The following CMC2 variants were observed in gnomAD, a reference collection of about 807,000 sequenced individuals.
CMC2 encodes COX assembly mitochondrial protein 2 homolog.
CMC2 carries 5 observed loss-of-function variants against 7.5 expected under a neutral mutation model. The observed-to-expected ratio is 0.66, with a 90% CI of 0.35 to 1.40. The LOEUF (loss-of-function observed/expected upper bound fraction) is 1.40, where lower values mean the gene tolerates loss of function less well. CMC2 is among the 40% of genes most tolerant of loss of function. The pLI, the probability that CMC2 is intolerant of heterozygous loss-of-function variation, is 0.04. For synonymous variants in CMC2, 37 were observed against 31.4 expected, an observed-to-expected ratio of 1.18 and a Z score of -0.60; for missense variants, 115 against 92.3, an observed-to-expected ratio of 1.25 and a Z score of -1.01.
intron 1 of CMC2, among the ~76,000 whole-genome samples, chr16:81,005,975 G>A (rs936707323): frequency 6.6e-6 from 1 of 152,158 alleles, no homozygotes; most frequent in Non-Finnish European, 1.5e-5. Flanking sequence ...GGATGAAAAA[G>A]AAACTCATTT....
chr16:81,002,638 T>A (rs1368341661), intron 1 of CMC2, among the ~76,000 whole-genome samples: 1 of 152,176 alleles, frequency 6.6e-6, no homozygotes, highest in Non-Finnish European at 1.5e-5. Flanking sequence ...ACAATATTAA[T>A]AGATGCAAAG....
chr16:80,966,652 G>A lies in CMC2; in HGVS notation c.*9441C>T, dbSNP rs1205815083. Reference sequence around the variant, plus strand: ...TTGCAGTTCTCCTTATCTTCAGGATGTATCACCTTCTGGAGATGTAAAGTC... The same window carrying A: ...TTGCAGTTCTCCTTATCTTCAGGATATATCACCTTCTGGAGATGTAAAGTC... On this transcript the variant is annotated 3_prime_UTR_variant, in exon 4 of 4. Transcript: ENST00000219400. 2.0e-5 allele frequency: 3 copies of A among 152,136 alleles called. No individual in the cohort carries two copies. Among genetic ancestry groups the A allele is most frequent in the Non-Finnish European group, 2.9e-5 (2 of 68,028 alleles). The allele number at this position is 152,136 out of a possible 1,614,324, so 9.4% of individuals were successfully genotyped here.
rs1305160282 is a variant in CMC2, at chr16:80,991,759, T to C, written c.81+5555A>G. ...TTGATGAAAATGTACTTTACCTCTG[T>C]GGTCTTCATCCGAAAACACATGATC... On this transcript the variant is annotated intron_variant, in intron 2 of 3. Transcript: ENST00000219400. 2.4e-5 allele frequency: 8 copies of C among 337,262 alleles called. 1 individual carries two copies. Among genetic ancestry groups the C allele is most frequent in the South Asian group, 7.1e-5 (3 of 42,272 alleles). 20.9% of individuals were successfully genotyped at this position (337,262 alleles called of 1,614,324 possible). A position where few individuals can be genotyped will look rare whatever the true frequency, so the allele number is the denominator to read the frequency against.
At chr16:80,998,352 C>G (rs56280764) in intron 1 of CMC2, 1 of 90,468 alleles carries the variant, frequency 1.1e-5, no homozygotes, top group Admixed American at 1.2e-4. Flanking sequence ...AGGATGGCTA[C>G]TGCTGAAAAA....
chr16:80,997,886 T>A (rs1968553060), intron 1 of CMC2: 1 of 152,134 alleles, frequency 6.6e-6, no homozygotes, highest in African/African-American at 2.4e-5. Flanking sequence ...GAATATAGAT[T>A]GCTTTTTTCT....
At chr16:80,990,323 A>C (rs1011487463) in intron 2 of CMC2, among the ~76,000 whole-genome samples, 17 of 152,200 alleles carry the variant, frequency 1.1e-4, no homozygotes, top group Admixed American at 1.1e-3. Flanking sequence ...GGGGTCCGCC[A>C]CCACGCACAG....
At chr16:80,999,148 T>C (rs1968656517) in intron 1 of CMC2, among the ~76,000 whole-genome samples, 1 of 152,104 alleles carries the variant, frequency 6.6e-6, no homozygotes, top group Non-Finnish European at 1.5e-5. Context: ...AGTCAAACTG[T>C]CTCTCTTCAC....
rs773178837 is a variant in CMC2 at position 81,004,686 on chromosome 16, G to C, written c.-36+2048C>G. Among the ~76,000 whole-genome samples the C allele has an allele frequency of 4.5e-4, 68 of 152,232 alleles. 1 individual carries two copies. Among genetic ancestry groups the C allele is most frequent in the Non-Finnish European group, 8.5e-4 (58 of 68,030 alleles). ...ACTTTTCCTGGGGAGTAAGCTGGGA[G>C]GGTAGAAGCGGTAGGGTACTCTTAG... On this transcript the variant is annotated intron_variant, in intron 1 of 3. Coordinates refer to ENST00000219400, the MANE Select transcript of CMC2 (RefSeq NM_020188.5).
chr16:80,993,175 T>C (rs766864803), intron 2 of CMC2, among the ~76,000 whole-genome samples: 37 of 152,244 alleles, frequency 2.4e-4, no homozygotes, highest in Non-Finnish European at 4.4e-4. Flanking sequence ...AGACTTCTGC[T>C]TCTAGCCATG....
At position 80,973,617 on chromosome 16, in the gene CMC2, T is replaced by A. The variant is rs919010773; in HGVS notation, c.*2476A>T. The A allele has an allele frequency of 6.6e-6, 1 of 152,218 alleles. No homozygotes were observed. The highest frequency in any genetic ancestry group is 1.5e-5 in the Non-Finnish European group (1 of 68,048). The allele number at this position is 152,218 out of a possible 1,614,324, so 9.4% of individuals were successfully genotyped here. ...GTTTTCCATTATGCTCCAAATAACA[T>A]GCAAGTTCCCTGAGGTGATGTCCAA... On this transcript the variant is annotated 3_prime_UTR_variant, in exon 4 of 4. Coordinates refer to ENST00000219400, the MANE Select transcript of CMC2 (RefSeq NM_020188.5).
At chr16:80,978,190 T>C in intron 3 of CMC2, 1 of 790,156 alleles carries the variant, frequency 1.3e-6, no homozygotes, top group Non-Finnish European at 1.5e-6. Context: ...CAATAAAACG[T>C]ATTCTAGAAC....
intron 2 of CMC2, among the ~76,000 whole-genome samples, chr16:80,993,569 G>T (rs563133065): frequency 4.5e-4 from 68 of 152,322 alleles, no homozygotes; most frequent in African/African-American, 1.6e-3. Flanking sequence ...GCAGCTACAA[G>T]CTGAAAAACG....
chr16:80,977,037 C>T (rs574074475), intron 3 of CMC2, among the ~76,000 whole-genome samples: 1 of 152,206 alleles, frequency 6.6e-6, no homozygotes, highest in East Asian at 1.9e-4. Context: ...CATCTTAGAC[C>T]AGCTCACATT....
chr16:80,985,641 G>C (rs1468809969), intron 2 of CMC2, among the ~76,000 whole-genome samples: 1 of 151,936 alleles, frequency 6.6e-6, no homozygotes. Flanking sequence ...GAGTGCAAAA[G>C]AGTCCTGAGA....
rs1293238100 is a variant in CMC2, at chr16:80,971,221, T to C, written c.*4872A>G. 2 of 152,180 alleles carry C rather than the reference T, an allele frequency of 1.3e-5. No individual in the cohort carries two copies. The highest frequency in any genetic ancestry group is 2.4e-5 in the African/African-American group (1 of 41,442). 9.4% of individuals were successfully genotyped at this position (152,180 alleles called of 1,614,324 possible). Reference sequence around the variant, plus strand: ...AACTTCTAGTAAGTTTGAAAATGCATACCTTACAGCCCAATAATTAAAATC... The same window carrying C: ...AACTTCTAGTAAGTTTGAAAATGCACACCTTACAGCCCAATAATTAAAATC... On this transcript the variant is annotated 3_prime_UTR_variant, in exon 4 of 4. Coordinates refer to ENST00000219400, the MANE Select transcript of CMC2 (RefSeq NM_020188.5).
intron 2 of CMC2, among the ~76,000 whole-genome samples, chr16:80,992,718 T>TC (rs374973655): frequency 7.4e-6 from 1 of 135,898 alleles, no homozygotes. Context: ...TTTTTTTTTT[T>TC]TTTTGTGTAA....
At chr16:80,991,041 T>A (rs1005709607) in intron 2 of CMC2, among the ~76,000 whole-genome samples, 2 of 144,794 alleles carry the variant, frequency 1.4e-5, no homozygotes, top group African/African-American at 2.6e-5. Flanking sequence ...TTTTTTTTTT[T>A]AACAGCTGCA....
chr16:80,985,962 C>T (rs900164254), intron 2 of CMC2, among the ~76,000 whole-genome samples: 2 of 146,476 alleles, frequency 1.4e-5, no homozygotes, highest in African/African-American at 5.0e-5. Flanking sequence ...GTGGTGAAGA[C>T]TAACAGCTAC....
rs1912230720 is a variant in CMC2 at position 80,975,611 on chromosome 16, C to G, written c.*482G>C. 7.6e-6 allele frequency: 1 copy of G among 131,402 alleles called. No individual in the cohort carries two copies. The highest frequency in any genetic ancestry group is 1.5e-5 in the Non-Finnish European group (1 of 65,652). The allele number at this position is 131,402 out of a possible 1,614,324, so 8.1% of individuals were successfully genotyped here. On this transcript the variant is annotated 3_prime_UTR_variant, in exon 4 of 4. Coordinates refer to ENST00000219400, the MANE Select transcript of CMC2 (RefSeq NM_020188.5). The stretch of plus-strand genomic sequence containing the variant: ...CCTGGGCAGCAAAGTAACACTATGT[C>G]TCAAAAAAAAAATTTTTTTTAATCA...
Sources: allele counts gnomAD v4.1 joint callset (sites outside exome capture counted in the v4.1 genomes callset), GRCh38; gene constraint gnomAD v4.1.1; transcripts MANE v1.5; gene names NCBI Gene and HGNC (gene_info 2026-07-23, HGNC 2026-07-21).